The following SEMA3F variants were observed in gnomAD, a reference collection of about 807,000 sequenced individuals.
SEMA3F encodes semaphorin-3F.
In SEMA3F, 30 loss-of-function variants were observed where a neutral mutation model predicts 98.5. That is an observed-to-expected ratio of 0.30 (90% CI 0.23 to 0.41). SEMA3F has a LOEUF of 0.41. SEMA3F is among the 10% of genes least tolerant of loss of function. The pLI, the probability that SEMA3F is intolerant of heterozygous loss-of-function variation, is 1.00. For missense variants in SEMA3F, 866 were observed against 1,119.3 expected, an observed-to-expected ratio of 0.77 and a Z score of 3.23; for synonymous variants, 380 against 444.8, an observed-to-expected ratio of 0.85 and a Z score of 1.83.
intron 2 of SEMA3F, among the ~76,000 whole-genome samples, chr3:50,170,400 A>G (rs1698558035): frequency 1.3e-5 from 2 of 152,182 alleles, no homozygotes; most frequent in Non-Finnish European, 1.5e-5. Flanking sequence ...GCACTAGGAA[A>G]TGGAGTAGCT....
chr3:50,171,538 A>C (rs1350536599), intron 2 of SEMA3F, among the ~76,000 whole-genome samples: 2 of 151,782 alleles, frequency 1.3e-5, no homozygotes, highest in Non-Finnish European at 2.9e-5. Context: ...CCCCTAGCCC[A>C]GGGGATGGGT....
At chr3:50,176,647 T>G (rs1484723701) in intron 6 of SEMA3F, 121 bp from the exon 7 acceptor site, 12 of 716,642 alleles carry the variant, frequency 1.7e-5, no homozygotes, top group Non-Finnish European at 2.8e-5. Flanking sequence ...TGCTGGGGAG[T>G]GTAGGGGGTG....
chr3:50,182,402 C>A lies in SEMA3F; in HGVS notation c.762C>A (p.Asn254Lys). Residue 254 changes from asparagine (N) to lysine (K), a missense_variant and splice_region_variant, in exon 8 of 19, where the codon AAC becomes AAA. Asn to Lys is a moderately conservative substitution (Grantham distance 94). Coordinates refer to ENST00000002829, the MANE Select transcript of SEMA3F (RefSeq NM_004186.5). The surrounding 1 kb of genome is among the most constrained non-coding windows in gnomAD (Gnocchi z 4.5). ...RTDQYNSRWL[N>K]DPSFIHAELI... The stretch of plus-strand genomic sequence containing the variant: ...ATCAGTACAACTCCCGGTGGCTGAA[C>A]GGTAAGCGCAGCCCCAGGAGCCCTT... 15 of 1,613,534 alleles carry A rather than the reference C, an allele frequency of 9.3e-6. No individual in the cohort carries two copies. The highest frequency in any genetic ancestry group is 1.3e-5 in the Non-Finnish European group (15 of 1,180,022).
At chr3:50,178,176 A>G (rs1698888952) in intron 7 of SEMA3F, among the ~76,000 whole-genome samples, 1 of 152,016 alleles carries the variant, frequency 6.6e-6, no homozygotes, top group Non-Finnish European at 1.5e-5. Context: ...TGGGAGGTGG[A>G]GGTTGCAGTG....
chr3:50,174,156 A>C, intron 4 of SEMA3F, 42 bp downstream of exon 4: 1 of 1,613,912 alleles, frequency 6.2e-7, no homozygotes, highest in Non-Finnish European at 8.5e-7. Flanking sequence ...GGGAATCCAC[A>C]GGTGGGAAGG....
Position 50,182,573 on chromosome 3 carries a change from G to A in SEMA3F, c.764-71G>A. On this transcript the variant is annotated intron_variant, in intron 8 of 18. Transcript: ENST00000002829. This position sits in a 1 kb window ranked among gnomAD's most constrained non-coding sequence, Gnocchi z 4.5. Reference sequence around the variant, plus strand: ...TGGGGGTGTTCTTGCACCTGGCTGGGGATTCTGTTGGAGAACATCAGGGGC... The same window carrying A: ...TGGGGGTGTTCTTGCACCTGGCTGGAGATTCTGTTGGAGAACATCAGGGGC... The A allele has an allele frequency of 6.3e-7, 1 of 1,589,214 alleles. No individual in the cohort carries two copies. The highest frequency in any genetic ancestry group is 8.6e-7 in the Non-Finnish European group (1 of 1,163,606).
chr3:50,166,534 A>C lies in SEMA3F; in HGVS notation c.112+6800A>C, dbSNP rs893719468. ...CTGAGTCCTGCTGAGGTCCTAACCCAGCCTCACTGCATCCTCCAAGGCTGA... is the reference window on the plus strand; with the variant it reads ...CTGAGTCCTGCTGAGGTCCTAACCCCGCCTCACTGCATCCTCCAAGGCTGA... On this transcript the variant is annotated intron_variant, in intron 2 of 18. Transcript: ENST00000002829. The surrounding 1 kb of genome is among the most constrained non-coding windows in gnomAD (Gnocchi z 4.7). Among the ~76,000 whole-genome samples, 3 of 152,134 alleles carry C rather than the reference A, an allele frequency of 2.0e-5. No homozygotes were observed. Among genetic ancestry groups the C allele is most frequent in the Non-Finnish European group, 2.9e-5 (2 of 68,022 alleles).
chr3:50,158,068 G>A lies in SEMA3F; in HGVS notation c.-48-1507G>A, dbSNP rs1265936140. Among the ~76,000 whole-genome samples, 1 of 152,220 alleles carries A rather than the reference G, an allele frequency of 6.6e-6. No individual in the cohort carries two copies. Among genetic ancestry groups the A allele is most frequent in the Non-Finnish European group, 1.5e-5 (1 of 68,028 alleles). On this transcript the variant is annotated intron_variant, in intron 1 of 18. Transcript: ENST00000002829. This position sits in a 1 kb window ranked among gnomAD's most constrained non-coding sequence, Gnocchi z 4.8. ...TGTGAACGTGTGCATATCCACAGCT[G>A]TTATCAGGGGCCTCCCAGGTGCACC...
At chr3:50,157,777 C>G (rs1349422280) in intron 1 of SEMA3F, among the ~76,000 whole-genome samples, 1 of 152,252 alleles carries the variant, frequency 6.6e-6, no homozygotes, top group South Asian at 2.1e-4. Flanking sequence ...CCTCTCTGGA[C>G]ACATTGGGTG....
At chr3:50,186,495 G>T in intron 17 of SEMA3F, 118 bp from the exon 18 acceptor site, 3 of 1,423,180 alleles carry the variant, frequency 2.1e-6, no homozygotes. Flanking sequence ...GTCCCTAGTT[G>T]CCCCATCAAC....
At chr3:50,173,981 G>C (rs758164070) in intron 3 of SEMA3F, 28 bp downstream of exon 3, 1 of 1,613,862 alleles carries the variant, frequency 6.2e-7, no homozygotes, top group Non-Finnish European at 8.5e-7. Context: ...TGTGGGACGT[G>C]GGGTGGGCAC....
At chr3:50,178,661 G>C (rs1698904704) in intron 7 of SEMA3F, among the ~76,000 whole-genome samples, 1 of 150,530 alleles carries the variant, frequency 6.6e-6, no homozygotes, top group Non-Finnish European at 1.5e-5. Flanking sequence ...GGTGGAAGTT[G>C]CAGTGAGCTG....
At chr3:50,160,978 C>T (rs990342590) in intron 2 of SEMA3F, among the ~76,000 whole-genome samples, 1 of 152,152 alleles carries the variant, frequency 6.6e-6, no homozygotes, top group Non-Finnish European at 1.5e-5. Context: ...CTGGAAAGCA[C>T]CCCCCTTCCC....
chr3:50,185,581 C>G (rs201188823), intron 14 of SEMA3F, 50 bp downstream of exon 14: 24 of 1,611,868 alleles, frequency 1.5e-5, no homozygotes, highest in African/African-American at 1.5e-4. Context: ...ACCCTCCCCC[C>G]AGTCCCAGCC....
chr3:50,187,747 T>C lies in SEMA3F; in HGVS notation c.1990T>C (p.Leu664=). ...CTTCCTGCGCACAGAGCAGGGCTTGTTGCTCCGTGCACTGCAGCTCAGCGA... is the reference window on the plus strand; with the variant it reads ...CTTCCTGCGCACAGAGCAGGGCTTGCTGCTCCGTGCACTGCAGCTCAGCGA... The part of the protein sequence containing the change: ...DRFLRTEQGL[L]LRALQLSDRG... The change falls in exon 19 of 19, where the codon TTG becomes CTG. Residue 664 remains leucine (L), a synonymous_variant. Coordinates refer to ENST00000002829, the MANE Select transcript of SEMA3F (RefSeq NM_004186.5). 1 of 1,612,020 alleles carries C rather than the reference T, an allele frequency of 6.2e-7. No homozygotes were observed. The highest frequency in any genetic ancestry group is 1.7e-4 in the Middle Eastern group (1 of 6,056).
chr3:50,173,356 C>A (rs1232123970), intron 2 of SEMA3F: 3 of 170,186 alleles, frequency 1.8e-5, no homozygotes, highest in Non-Finnish European at 1.3e-5. Context: ...CCTGTGATCC[C>A]AACTACTCAG....
chr3:50,156,510 GTCC>G lies in SEMA3F; in HGVS notation c.-49+951_-49+953del, dbSNP rs1007629664. ...AAGCTGGGCCAGGTTGGGGACCTCT[GTCC>G]TCCTGAATTCACCCAGATAGTCTCC... On this transcript the variant is annotated intron_variant, in intron 1 of 18. Coordinates refer to ENST00000002829, the MANE Select transcript of SEMA3F (RefSeq NM_004186.5). This position sits in a 1 kb window ranked among gnomAD's most constrained non-coding sequence, Gnocchi z 4.5. Among the ~76,000 whole-genome samples the G allele has an allele frequency of 1.3e-5, 2 of 152,198 alleles. No individual in the cohort carries two copies. The highest frequency in any genetic ancestry group is 2.9e-5 in the Non-Finnish European group (2 of 68,030).
At position 50,184,469 on chromosome 3, in the gene SEMA3F, G is replaced by T. The variant is rs1699134602; in HGVS notation, c.1234-123G>T. 4.2e-6 allele frequency: 3 copies of T among 714,000 alleles called. No homozygotes were observed. In the East Asian group the frequency reaches 8.1e-5, roughly 19 times the overall value. 44.2% of individuals were successfully genotyped at this position (714,000 alleles called of 1,614,324 possible). Reference sequence around the variant, plus strand: ...TGCAGGGCAGAAACTTGGAGAGCGGGTTTGGGGAGAGGAGCAGGTTGAGGT... The same window carrying T: ...TGCAGGGCAGAAACTTGGAGAGCGGTTTTGGGGAGAGGAGCAGGTTGAGGT... On this transcript the variant is annotated intron_variant, in intron 12 of 18. Transcript: ENST00000002829.
intron 2 of SEMA3F, among the ~76,000 whole-genome samples, chr3:50,165,931 G>A (rs1424528935): frequency 6.6e-6 from 1 of 152,136 alleles, no homozygotes; most frequent in African/African-American, 2.4e-5. Flanking sequence ...GGGAGGGAGT[G>A]GGGCTCATCG....
Sources: gnomAD v4.1 joint callset for allele counts (sites outside exome capture counted in the v4.1 genomes callset) on GRCh38, gnomAD v4.1.1 for gene constraint, Gnocchi (gnomAD v3.1) non-coding constraint, MANE v1.5 for transcripts, NCBI Gene and HGNC (gene_info 2026-07-23, HGNC 2026-07-21) for gene names.